DNAJC14: variants seen among roughly 807,000 people sequenced by gnomAD.
DNAJC14 encodes dnaJ homolog subfamily C member 14.
Under a neutral mutation model 68.8 loss-of-function variants are expected in DNAJC14, and 12 were observed. The ratio of observed to expected loss-of-function variants is 0.17; its 90% CI spans 0.11 to 0.28. The LOEUF is 0.28. Ranked by LOEUF, DNAJC14 falls within the 10% of genes least tolerant of loss-of-function variation. The probability of loss-of-function intolerance (pLI) is 1.00; values close to 1 mark genes in which losing one functional copy is unlikely to be tolerated. For synonymous variants in DNAJC14, 350 were observed against 321.5 expected (o/e 1.09, Z -0.95); for missense variants, 764 against 875.6 (o/e 0.87, Z 1.61).
chr12:55,826,026 G>C (rs1273197013), intron 2 of DNAJC14, among the ~76,000 whole-genome samples: 2 of 151,754 alleles, frequency 1.3e-5, no homozygotes, highest in African/African-American at 4.8e-5. Flanking sequence ...GTCCATATTT[G>C]CTTCTCTGGG....
rs376864560 is a variant in DNAJC14, at chr12:55,827,936, G to A, written c.723C>T (p.Ala241=). 50 of 1,606,702 alleles carry A rather than the reference G, an allele frequency of 3.1e-5. No homozygotes were observed. The highest frequency in any genetic ancestry group is 4.4e-5 in the South Asian group (4 of 90,536). ...CCTGTCCAAGTTGACATAGTTCCTC[G>A]GCTCCCCACAATCCCAGGCCTTTGC... The part of the protein sequence containing the change: ...DKRKGLGLWG[A]EELCQLGQAG... Residue 241 remains alanine, a synonymous_variant, in exon 2 of 7, where the codon GCC becomes GCT. Coordinates refer to ENST00000678005, the MANE Select transcript of DNAJC14 (RefSeq NM_032364.6).
rs1383002882 is a variant in DNAJC14 at position 55,829,539 on chromosome 12, G to T, written c.-107C>A. The T allele has an allele frequency of 3.0e-6, 3 of 984,948 alleles. No individual in the cohort carries two copies. The highest frequency in any genetic ancestry group is 3.6e-6 in the Non-Finnish European group (3 of 829,894). 61.0% of individuals were successfully genotyped at this position (984,948 alleles called of 1,614,324 possible). On this transcript the variant is annotated 5_prime_UTR_variant, in exon 1 of 7. Transcript: ENST00000678005. Reference sequence around the variant, plus strand: ...CTCGAGCCGCCCGGCCTGGGGCCAGGGTGAGCTACGAGAGCCGCTCTCCCG... The same window carrying T: ...CTCGAGCCGCCCGGCCTGGGGCCAGTGTGAGCTACGAGAGCCGCTCTCCCG...
At chr12:55,829,030 C>G in intron 1 of DNAJC14, 1 of 886,674 alleles carries the variant, frequency 1.1e-6, no homozygotes, top group South Asian at 4.9e-5. Context: ...GAAAGACCGC[C>G]GGAAAGGGGG....
chr12:55,827,985 C>T lies in DNAJC14; in HGVS notation c.674G>A (p.Arg225Gln). ...PRSPGRHRLG[R>Q]KRSQADKRKG... Reference sequence around the variant, plus strand: ...GCGCTTATCTGCCTGACTTCGTTTCCGACCCAGCCGATGTCGACCAGGGGA... The same window carrying T: ...GCGCTTATCTGCCTGACTTCGTTTCTGACCCAGCCGATGTCGACCAGGGGA... Residue 225 changes from arginine to glutamine, a missense_variant, in exon 2 of 7, where the codon CGG becomes CAG. Coordinates refer to ENST00000678005, the MANE Select transcript of DNAJC14 (RefSeq NM_032364.6). The T allele has an allele frequency of 1.2e-6, 2 of 1,613,108 alleles. No individual in the cohort carries two copies. The highest frequency in any genetic ancestry group is 1.7e-6 in the Non-Finnish European group (2 of 1,179,756).
At chr12:55,829,614 C>G, upstream of DNAJC14, 1 of 985,382 alleles carries the variant, frequency 1.0e-6, no homozygotes, top group African/African-American at 1.7e-5. Flanking sequence ...CCCGCGGCCG[C>G]CGGCGACCTG....
In DNAJC14 at chr12:55,827,261, C is replaced by T. The variant is rs759900051; in HGVS notation, c.1398G>A (p.Leu466=). The change falls in exon 2 of 7, where the codon CTG becomes CTA. Residue 466 remains leucine, a synonymous_variant. Transcript: ENST00000678005. ...ACAGAAGGGTACTCACCATCACTGC[C>T]AGCTGTCTATAGGCCTTCTTCAGTT... ...DVELKKAYRQ[L]AVMVHPDKNH... 1.3e-6 allele frequency: 2 copies of T among 1,492,312 alleles called. No individual in the cohort carries two copies. Among genetic ancestry groups the T allele is most frequent in the Non-Finnish European group, 1.8e-6 (2 of 1,117,702 alleles). The allele number at this position is 1,492,312 out of a possible 1,614,324, so 92.4% of individuals were successfully genotyped here. A position where few individuals can be genotyped will look rare whatever the true frequency, so the allele number is the denominator to read the frequency against.
At chr12:55,826,798 C>T (rs1405617134) in intron 2 of DNAJC14, among the ~76,000 whole-genome samples, 1 of 146,204 alleles carries the variant, frequency 6.8e-6, no homozygotes, top group Non-Finnish European at 1.5e-5. Flanking sequence ...GACTCCGTCT[C>T]AAGAAAAAAA....
In DNAJC14 at chr12:55,828,292, GAA is replaced by G. The variant is rs1880860379; in HGVS notation, c.365_366del (p.Phe122SerfsTer22). On this transcript the variant is annotated frameshift_variant, in exon 2 of 7. Coordinates refer to ENST00000678005, the MANE Select transcript of DNAJC14 (RefSeq NM_032364.6). LOFTEE classifies it high-confidence loss of function. Reference protein sequence around the residue: ...ETGNQKDGNSFLSIPSACNCQ... With the variant: ...ETGNQKDGNSXLSIPSACNCQ... The stretch of plus-strand genomic sequence containing the variant: ...CAGTTGCAAGCAGATGGAATGGAAA[GAA>G]AAGAGTTCCCATCCTTCTGGTTCCC... The G allele has an allele frequency of 1.9e-6, 3 of 1,610,324 alleles. No individual in the cohort carries two copies. The highest frequency in any genetic ancestry group is 3.4e-5 in the Admixed American group (2 of 58,998).
At chr12:55,828,755 CAA>C in intron 1 of DNAJC14, 41 bp from the exon 2 acceptor site, 1 of 1,451,672 alleles carries the variant, frequency 6.9e-7, no homozygotes, top group Non-Finnish European at 9.1e-7. Context: ...AGGATGAGAC[CAA>C]GAGAGGAATT....
At chr12:55,822,908 TC>T in intron 4 of DNAJC14, among the ~76,000 whole-genome samples, 161 bp downstream of exon 4, 1 of 152,344 alleles carries the variant, frequency 6.6e-6, no homozygotes, top group Middle Eastern at 3.4e-3. Flanking sequence ...CTAATTAAAA[TC>T]GTCAGTCTAT....
chr12:55,828,208 TAGA>T lies in DNAJC14; in HGVS notation c.448_450del (p.Ser151del), dbSNP rs1215629202. The T allele has an allele frequency of 1.9e-6, 3 of 1,611,294 alleles. No individual in the cohort carries two copies. Among genetic ancestry groups the T allele is most frequent in the African/African-American group, 2.7e-5 (2 of 74,838 alleles). On this transcript the variant is annotated inframe_deletion, in exon 2 of 7. Coordinates refer to ENST00000678005, the MANE Select transcript of DNAJC14 (RefSeq NM_032364.6). ...GAGGTACAGTGGTGGCAAAAGTTGC[TAGA>T]AGAACCATTTCCTCCCTCAGAGTAA...
At position 55,822,200 on chromosome 12, in the gene DNAJC14, A is replaced by C. The variant is rs777441884; in HGVS notation, c.1899-13T>G. The C allele has an allele frequency of 2.6e-6, 4 of 1,566,278 alleles. No homozygotes were observed. Among genetic ancestry groups the C allele is most frequent in the Middle Eastern group, 2.1e-4 (1 of 4,758 alleles). ...ATCTGGGGTGGCTCTGAGGTAAAAC[A>C]GAAGAAATAAGGCAAGAGATGTTAG... On this transcript the variant is annotated splice_polypyrimidine_tract_variant and intron_variant, in intron 6 of 6. Transcript: ENST00000678005.
chr12:55,828,797 T>C, intron 1 of DNAJC14, 83 bp from the exon 2 acceptor site: 2 of 1,374,892 alleles, frequency 1.5e-6, no homozygotes, highest in Admixed American at 3.0e-5. Flanking sequence ...ACACATTTAA[T>C]TCATCCACCT....
In DNAJC14 at chr12:55,822,588, C is replaced by T. The variant is rs1459903461; in HGVS notation, c.1779G>A (p.Lys593=). 2 of 1,614,196 alleles carry T rather than the reference C, an allele frequency of 1.2e-6. No homozygotes were observed. Among genetic ancestry groups the T allele is most frequent in the African/African-American group, 1.3e-5 (1 of 75,038 alleles). The change falls in exon 5 of 7, where the codon AAG becomes AAA. Residue 593 remains lysine, a synonymous_variant. Coordinates refer to ENST00000678005, the MANE Select transcript of DNAJC14 (RefSeq NM_032364.6). ...KITYFALMDG[K]VYDITEWAGC... is the part of the protein sequence containing the mutation. ...AGAGAGTACCTGTGATGTCATACAC[C>T]TTTCCATCCATCAGTGCAAAGTAGG...
intron 1 of DNAJC14, 78 bp downstream of exon 1, chr12:55,829,411 C>A (rs1256911377): frequency 2.0e-6 from 2 of 984,070 alleles, no homozygotes; most frequent in Non-Finnish European, 2.4e-6. Flanking sequence ...TGCCACTGTA[C>A]TCCAGTCTGG....
Position 55,827,336 on chromosome 12 carries a change from C to T in DNAJC14, c.1323G>A (p.Glu441=). The change falls in exon 2 of 7, where the codon GAG becomes GAA. Residue 441 remains glutamate, a synonymous_variant. Coordinates refer to ENST00000678005, the MANE Select transcript of DNAJC14 (RefSeq NM_032364.6). ...CCCCCAGTACATGGAAAGGGTTTAG[C>T]TCATCCTCAGGAACCCCAGCCATGG... The part of the protein sequence containing the change: ...LLTMAGVPED[E]LNPFHVLGVE... The T allele has an allele frequency of 6.2e-7, 1 of 1,612,732 alleles. No homozygotes were observed. The highest frequency in any genetic ancestry group is 8.5e-7 in the Non-Finnish European group (1 of 1,179,386).
In DNAJC14 at chr12:55,827,508, C is replaced by T. The variant is rs774574546; in HGVS notation, c.1151G>A (p.Ser384Asn). The change falls in exon 2 of 7, where the codon AGC (serine) becomes AAC (asparagine). Residue 384 changes from serine (S) to asparagine (N), a missense_variant. By Grantham distance (46) the Ser-to-Asn change is conservative (BLOSUM62 1). Around this residue, in one of 4 missense-constraint regions of DNAJC14, gnomAD observed 514 missense variants for 521.7 expected, o/e 0.99. Coordinates refer to ENST00000678005, the MANE Select transcript of DNAJC14 (RefSeq NM_032364.6). ...TCTTACCAGCCGCTGCCATGGCCTG[C>T]TATCTCTCAGCAGAGTCAAGCAACG... ...LQRCLTLLRD[S>N]RPWQRLVRIV... 2.5e-6 allele frequency: 4 copies of T among 1,604,392 alleles called. No individual in the cohort carries two copies. The highest frequency in any genetic ancestry group is 2.6e-6 in the Non-Finnish European group (3 of 1,171,890).
rs543378888 is a variant in DNAJC14, at chr12:55,825,826, A to G, written c.1407+1426T>C. Among the ~76,000 whole-genome samples, 71 of 151,702 alleles carry G rather than the reference A, an allele frequency of 4.7e-4. No homozygotes were observed. The South Asian group carries it at 0.012, about 26-fold the overall frequency. On this transcript the variant is annotated intron_variant, in intron 2 of 6. Coordinates refer to ENST00000678005, the MANE Select transcript of DNAJC14 (RefSeq NM_032364.6). ...CCCAAAGTGCTGGGATTACAGGCGT[A>G]AGCCACCGCGCCTGGCCCTGCACAC...
Position 55,822,097 on chromosome 12 carries a change from G to C in DNAJC14, c.1989C>G (p.Phe663Leu). ...VPPGQMPNGNFFAAPQPAPGA... is the reference protein window; with the variant it reads ...VPPGQMPNGNLFAAPQPAPGA... Reference sequence around the variant, plus strand: ...CAGGGGCAGGCTGAGGAGCTGCAAAGAAGTTCCCATTGGGCATCTGCCCTG... The same window carrying C: ...CAGGGGCAGGCTGAGGAGCTGCAAACAAGTTCCCATTGGGCATCTGCCCTG... Residue 663 changes from phenylalanine to leucine, a missense_variant, in exon 7 of 7, where the codon TTC (phenylalanine) becomes TTG (leucine). Coordinates refer to ENST00000678005, the MANE Select transcript of DNAJC14 (RefSeq NM_032364.6). 6.2e-7 allele frequency: 1 copy of C among 1,614,040 alleles called. No homozygotes were observed. The highest frequency in any genetic ancestry group is 8.5e-7 in the Non-Finnish European group (1 of 1,179,970).
Sources: gnomAD v4.1 joint callset for allele counts (sites outside exome capture counted in the v4.1 genomes callset) on GRCh38, gnomAD v4.1.1 for gene constraint, gnomAD v4.1.1 regional missense constraint, MANE v1.5 for transcripts, NCBI Gene and HGNC (gene_info 2026-07-23, HGNC 2026-07-21) for gene names.